Variants in CARD8 observed in about 807,000 individuals in gnomAD.
The protein encoded by CARD8 is caspase recruitment domain family member 8, also known as caspase recruitment domain-containing protein 8.
CARD8 carries 38 observed loss-of-function variants against 53.2 expected under a neutral mutation model. The observed-to-expected ratio is 0.71, with a 90% CI of 0.55 to 0.94. The LOEUF is 0.94. Among genes scored for constraint, CARD8 ranks in the 40% least tolerant of loss-of-function variants. CARD8 has a pLI of 0.00. For missense variants in CARD8, 561 were observed against 655.5 expected, an observed-to-expected ratio of 0.86 and a Z score of 1.57; for synonymous variants, 245 against 244.9, an observed-to-expected ratio of 1.00 and a Z score of 0.00.
chr19:48,240,820 C>A, intron 4 of CARD8, 142 bp downstream of exon 4: 2 of 700,192 alleles, frequency 2.9e-6, no homozygotes, highest in Non-Finnish European at 4.7e-6. Flanking sequence ...TCCCTTCATT[C>A]ATGCAGAGAT....
chr19:48,253,348 G>C (rs540703697), intron 1 of CARD8, among the ~76,000 whole-genome samples: 28 of 152,244 alleles, frequency 1.8e-4, no homozygotes, highest in African/African-American at 6.7e-4. Context: ...GCCTCCCAAA[G>C]TGCTGTAATT....
upstream of CARD8, chr19:48,255,916 T>C (rs12984859): frequency 0.23 from 35,059 of 152,004 alleles, 4,148 homozygotes; most frequent in Middle Eastern, 0.33. Context: ...GCAGAGGAGG[T>C]GGGCTTTCTG....
intron 10 of CARD8, among the ~76,000 whole-genome samples, chr19:48,223,219 G>A (rs907424967): frequency 9.2e-5 from 14 of 151,560 alleles, no homozygotes; most frequent in African/African-American, 2.4e-4. Context: ...CAGGAGAATC[G>A]CATGAACCTG....
At chr19:48,207,044 T>C (rs1403945397), downstream of CARD8, among the ~76,000 whole-genome samples, 1 of 151,844 alleles carries the variant, frequency 6.6e-6, no homozygotes, top group East Asian at 1.9e-4. Flanking sequence ...GGTGGGCACC[T>C]GTAATCCCAG....
intron 10 of CARD8, among the ~76,000 whole-genome samples, chr19:48,223,523 G>A (rs931375367): frequency 6.6e-6 from 1 of 152,148 alleles, no homozygotes; most frequent in Non-Finnish European, 1.5e-5. Flanking sequence ...ACCAGTTTCC[G>A]AAGGGTCAAA....
intron 10 of CARD8, among the ~76,000 whole-genome samples, chr19:48,223,287 G>C (rs1487535377): frequency 1.3e-5 from 2 of 150,236 alleles, no homozygotes; most frequent in African/African-American, 2.5e-5. Flanking sequence ...CTGAGCGACA[G>C]AGCAAGACTC....
At chr19:48,233,544 C>T (rs1396184058) in intron 6 of CARD8, 4 of 369,900 alleles carry the variant, frequency 1.1e-5, no homozygotes, top group East Asian at 7.6e-5. Flanking sequence ...GCTATGGATT[C>T]GGGTAGCTAC....
chr19:48,238,784 CCTTAGAGATGCCATCCTCAGAGATGT>C (rs1292398869), intron 4 of CARD8, among the ~76,000 whole-genome samples: 3 of 151,640 alleles, frequency 2.0e-5, no homozygotes, highest in Non-Finnish European at 4.4e-5. Context: ...GAGATACTAT[CCTTAGAGATGCCATCCTCAGAGATGT>C]CTTAGAGATG....
chr19:48,225,104 G>A (rs998167777), intron 10 of CARD8, among the ~76,000 whole-genome samples: 9 of 149,710 alleles, frequency 6.0e-5, no homozygotes, highest in South Asian at 4.3e-4. Context: ...TCCTGCCCAT[G>A]ATATAGAGTA....
rs2043509643 is a variant in CARD8 at position 48,234,514 on chromosome 19, T to C, written c.239A>G (p.Glu80Gly). Residue 80 changes from glutamate (E) to glycine (G), a missense_variant, in exon 6 of 14, where the codon GAG becomes GGG. Coordinates refer to ENST00000651546, the MANE Select transcript of CARD8 (RefSeq NM_001184900.3). ...TVYRELPCVS[E>G]TLCDISHFFQ... ...AAAATGTGAGATGTCACAAAGGGTC[T>C]CAGAAACACAGGGTAGCTCCCTGTA... 1.2e-6 allele frequency: 2 copies of C among 1,613,632 alleles called. No homozygotes were observed. The highest frequency in any genetic ancestry group is 8.5e-7 in the Non-Finnish European group (1 of 1,179,868).
rs111601524 is a variant in CARD8, at chr19:48,215,654, A to G, written c.1304-270T>C. Among the ~76,000 whole-genome samples the G allele has an allele frequency of 3.7e-3, 560 of 152,358 alleles. 7 individuals carry two copies. Among genetic ancestry groups the G allele is most frequent in the African/African-American group, 0.013 (534 of 41,582 alleles). ...TTAGGAACTATGGGGCTACAAAAAC[A>G]TATCATACAGTGCTACATAAATTAC... On this transcript the variant is annotated intron_variant, in intron 12 of 13. Coordinates refer to ENST00000651546, the MANE Select transcript of CARD8 (RefSeq NM_001184900.3).
At chr19:48,241,297 C>T (rs918783016) in intron 3 of CARD8, among the ~76,000 whole-genome samples, 3 of 152,074 alleles carry the variant, frequency 2.0e-5, no homozygotes, top group African/African-American at 7.2e-5. Flanking sequence ...GCTCTGTCAC[C>T]CAGGCTGGAG....
Position 48,211,611 on chromosome 19 carries a change from C to T in CARD8, c.*99G>A, listed in dbSNP as rs2037979471. ...TGTGTGATAGATGTTACCCAGTCTT[C>T]TTCTGTCTTGAACACTGAAATCAAT... On this transcript the variant is annotated 3_prime_UTR_variant, in exon 14 of 14. Transcript: ENST00000651546. 2 of 1,222,004 alleles carry T rather than the reference C, an allele frequency of 1.6e-6. No individual in the cohort carries two copies. Among genetic ancestry groups the T allele is most frequent in the African/African-American group, 1.5e-5 (1 of 66,522 alleles). 75.7% of individuals were successfully genotyped at this position (1,222,004 alleles called of 1,614,324 possible).
intron 7 of CARD8, 71 bp downstream of exon 7, chr19:48,232,382 C>T (rs2043078050): frequency 1.4e-6 from 2 of 1,387,896 alleles, no homozygotes; most frequent in Middle Eastern, 1.8e-4. Flanking sequence ...AAATTGTCTT[C>T]TTCACATAAA....
chr19:48,211,911 C>T lies in CARD8; in HGVS notation c.1413G>A (p.Val471=). 6.2e-7 allele frequency: 1 copy of T among 1,614,092 alleles called. No homozygotes were observed. The highest frequency in any genetic ancestry group is 8.5e-7 in the Non-Finnish European group (1 of 1,179,968). Residue 471 remains valine, a synonymous_variant, in exon 14 of 14, where the codon GTG becomes GTA. Transcript: ENST00000651546. ...CCTCATTGTCTTGGAGATCATCGAGCACCCCTTTCAGGTCCCCCATCCTGG... is the reference window on the plus strand; with the variant it reads ...CCTCATTGTCTTGGAGATCATCGAGTACCCCTTTCAGGTCCCCCATCCTGG... ...LQARMGDLKG[V]LDDLQDNEVL... is the part of the protein sequence containing the mutation.
chr19:48,231,028 T>A (rs371457675), intron 8 of CARD8, 22 bp from the exon 9 acceptor site: 3 of 1,588,906 alleles, frequency 1.9e-6, no homozygotes. Flanking sequence ...CAGAGTGATG[T>A]CATGACGGGA....
chr19:48,205,785 G>A (rs560901467), downstream of CARD8, among the ~76,000 whole-genome samples: 4 of 152,316 alleles, frequency 2.6e-5, no homozygotes, highest in East Asian at 7.7e-4. Flanking sequence ...ACCTCCGTCT[G>A]GGAAATGTGA....
intron 5 of CARD8, chr19:48,238,128 C>A: frequency 4.9e-6 from 2 of 412,240 alleles, no homozygotes; most frequent in Non-Finnish European, 8.2e-6. Flanking sequence ...TGACCTCAGG[C>A]GATCCACCTG....
chr19:48,252,838 T>C (rs28625081), intron 1 of CARD8, among the ~76,000 whole-genome samples: 27,515 of 143,774 alleles, frequency 0.19, 2,683 homozygotes, highest in East Asian at 0.34. Flanking sequence ...CACACACACA[T>C]ATGTGTATAC....
Sources: allele counts gnomAD v4.1 joint callset (sites outside exome capture counted in the v4.1 genomes callset), GRCh38; gene constraint gnomAD v4.1.1; transcripts MANE v1.5; gene names NCBI Gene and HGNC (gene_info 2026-07-23, HGNC 2026-07-21).